The following TLE2 variants were observed in gnomAD, a reference collection of about 807,000 sequenced individuals.
The protein encoded by TLE2 is TLE family member 2, transcriptional corepressor.
TLE2 carries 74 observed loss-of-function variants against 97.2 expected under a neutral mutation model. The ratio of observed to expected loss-of-function variants is 0.76; its 90% CI spans 0.63 to 0.92. TLE2 has a LOEUF of 0.92. Ranked by LOEUF, TLE2 falls within the 40% of genes least tolerant of loss-of-function variation. The probability of loss-of-function intolerance (pLI) is 0.00; values close to 1 mark genes in which losing one functional copy is unlikely to be tolerated. For synonymous variants in TLE2, 499 were observed against 432.1 expected (o/e 1.15, Z -1.92); for missense variants, 1,038 against 1,008.7 (o/e 1.03, Z -0.39).
intron 4 of TLE2, among the ~76,000 whole-genome samples, chr19:3,027,051 T>C (rs969360855): frequency 1.3e-5 from 2 of 151,950 alleles, no homozygotes; most frequent in African/African-American, 4.8e-5. Context: ...CTCAGAAAAC[T>C]GAGGTCAATC....
At chr19:3,021,186 C>G (rs981099662) in intron 5 of TLE2, among the ~76,000 whole-genome samples, 8 of 146,424 alleles carry the variant, frequency 5.5e-5, no homozygotes, top group African/African-American at 2.0e-4. Flanking sequence ...GCAGGTGGAT[C>G]ACGAGATCAG....
chr19:3,035,018 C>T (rs906333400), intron 1 of TLE2, among the ~76,000 whole-genome samples: 3 of 152,158 alleles, frequency 2.0e-5, no homozygotes, highest in African/African-American at 7.2e-5. Flanking sequence ...CTTCAGATCC[C>T]TCTAACAGGC....
chr19:3,041,566 G>A (rs1365157913), intron 1 of TLE2, among the ~76,000 whole-genome samples: 2 of 152,116 alleles, frequency 1.3e-5, no homozygotes, highest in Non-Finnish European at 2.9e-5. Flanking sequence ...CCTCTCCTGG[G>A]CCAAGCAGCC....
intron 5 of TLE2, 26 bp downstream of exon 5, chr19:3,024,994 C>T: frequency 1.3e-6 from 2 of 1,566,470 alleles, no homozygotes; most frequent in Non-Finnish European, 1.7e-6. Context: ...CCTTCCCCTC[C>T]TCCCCCCACC....
At chr19:3,029,435 G>C, upstream of TLE2, 1 of 918,256 alleles carries the variant, frequency 1.1e-6, no homozygotes, top group Non-Finnish European at 1.3e-6. Flanking sequence ...CTGGGCCGTT[G>C]GGGAAACTGA....
chr19:3,015,168 G>C (rs369692742), intron 9 of TLE2, among the ~76,000 whole-genome samples: 1 of 151,722 alleles, frequency 6.6e-6, no homozygotes, highest in South Asian at 2.1e-4. Context: ...TCAAGTTGCA[G>C]CTGCCCCTGT....
Position 3,015,728 on chromosome 19 carries a change from C to T in TLE2, c.603G>A (p.Val201=). The part of the protein sequence containing the change: ...SASPSPPESL[V]EEERPSGPGG... ...CAGGGCCACTCGGTCGCTCCTCCTCCACGAGACTCTCAGGGGGCGAGGGAG... is the reference window on the plus strand; with the variant it reads ...CAGGGCCACTCGGTCGCTCCTCCTCTACGAGACTCTCAGGGGGCGAGGGAG... The change falls in exon 9 of 20, where the codon GTG becomes GTA. Residue 201 remains valine, a synonymous_variant. Transcript: ENST00000262953. 6.2e-7 allele frequency: 1 copy of T among 1,611,196 alleles called. No homozygotes were observed. Among genetic ancestry groups the T allele is most frequent in the South Asian group, 1.1e-5 (1 of 90,566 alleles).
intron 10 of TLE2, 31 bp downstream of exon 10, chr19:3,014,539 G>A (rs780795580): frequency 6.4e-6 from 10 of 1,551,702 alleles, no homozygotes; most frequent in Admixed American, 5.6e-5. Flanking sequence ...TGTGCCCAGA[G>A]TCGGGGAAGA....
chr19:3,033,263 G>A (rs552230172), upstream of TLE2, among the ~76,000 whole-genome samples: 21 of 151,950 alleles, frequency 1.4e-4, no homozygotes, highest in Non-Finnish European at 2.1e-4. Flanking sequence ...TGCCTCCCAG[G>A]TTCACACCAT....
chr19:3,041,009 ATATATTTTTTTTTTTTT>A (rs2090097649), intron 1 of TLE2, among the ~76,000 whole-genome samples: 1 of 36,808 alleles, frequency 2.7e-5, no homozygotes, highest in African/African-American at 1.3e-4. Context: ...ATATATATAT[ATATATTTTTTTTTTTTT>A]TTTTTTTTTT....
At chr19:3,023,556 C>T (rs2089887206) in intron 5 of TLE2, among the ~76,000 whole-genome samples, 9 of 152,148 alleles carry the variant, frequency 5.9e-5, no homozygotes, top group Admixed American at 5.9e-4. Context: ...TGAAGTAGAA[C>T]TATCTTTCAC....
chr19:2,999,726 C>CAAA (rs199521660), intron 19 of TLE2, among the ~76,000 whole-genome samples: 2 of 112,798 alleles, frequency 1.8e-5, no homozygotes, highest in Non-Finnish European at 3.5e-5. Flanking sequence ...GACTCCATCT[C>CAAA]AAAAAAAAAA....
chr19:3,029,352 ACC>A (rs1469803348), upstream of TLE2, among the ~76,000 whole-genome samples: 2 of 80,730 alleles, frequency 2.5e-5, no homozygotes, highest in Non-Finnish European at 2.7e-5. Context: ...CCCCGCGCCC[ACC>A]CCCGCGCACC....
rs751068935 is a variant in TLE2, at chr19:3,027,881, G to A, written c.187-8C>T. On this transcript the variant is annotated splice_polypyrimidine_tract_variant and splice_region_variant and intron_variant, in intron 3 of 19. Coordinates refer to ENST00000262953, the MANE Select transcript of TLE2 (RefSeq NM_003260.5). ...GTACGACATCTCATAATACTGCAAA[G>A]GAAAAACCAAGTAAGAACGTCTAGG... The A allele has an allele frequency of 1.1e-4, 184 of 1,609,126 alleles. No individual in the cohort carries two copies. In the South Asian group the frequency reaches 1.8e-3, roughly 16 times the overall value.
chr19:2,999,980 C>T (rs1427919284), intron 19 of TLE2, among the ~76,000 whole-genome samples: 1 of 148,134 alleles, frequency 6.8e-6, no homozygotes, highest in Non-Finnish European at 1.5e-5. Context: ...TTGCAGTGAG[C>T]CGAGATCGCA....
rs769952424 is a variant in TLE2, at chr19:3,015,780, G to C, written c.571-20C>G. On this transcript the variant is annotated intron_variant, in intron 8 of 19. Transcript: ENST00000262953. ...TGCACTCTGCGGAGAGACAAAGGCC[G>C]GGGGGAGAAAGGGTCAGGGCCCTGG... The C allele has an allele frequency of 6.6e-5, 103 of 1,568,410 alleles. No individual in the cohort carries two copies. The highest frequency in any genetic ancestry group is 8.4e-5 in the Non-Finnish European group (97 of 1,151,986).
chr19:3,039,469 C>G (rs1383517536), intron 1 of TLE2, among the ~76,000 whole-genome samples: 1 of 152,116 alleles, frequency 6.6e-6, no homozygotes, highest in Non-Finnish European at 1.5e-5. Context: ...ATTGGTTGTT[C>G]CCTCTGCCTG....
intron 14 of TLE2, 27 bp from the exon 15 acceptor site, chr19:3,006,696 AGC>A (rs2089487279): frequency 4.5e-6 from 7 of 1,559,300 alleles, no homozygotes; most frequent in Non-Finnish European, 6.1e-6. Flanking sequence ...GGCATGACCC[AGC>A]CCTGGGCACC....
intron 1 of TLE2, among the ~76,000 whole-genome samples, chr19:3,041,582 T>TCTCTCTGTCACCAACC (rs1204874118): frequency 2.6e-5 from 4 of 152,078 alleles, no homozygotes; most frequent in African/African-American, 9.7e-5. Context: ...CAGCCCCGTC[T>TCTCTCTGTCACCAACC]CTCTCTGTCA....
Sources: allele counts gnomAD v4.1 joint callset (sites outside exome capture counted in the v4.1 genomes callset), GRCh38; gene constraint gnomAD v4.1.1; transcripts MANE v1.5; gene names NCBI Gene and HGNC (gene_info 2026-07-23, HGNC 2026-07-21).